Variants in ARHGEF10L observed in about 807,000 individuals in gnomAD.
ARHGEF10L encodes Rho guanine nucleotide exchange factor 10 like, also known as rho guanine nucleotide exchange factor 10-like protein.
ARHGEF10L carries 69 observed loss-of-function variants against 141.2 expected under a neutral mutation model. The observed-to-expected ratio is 0.49, with a 90% CI of 0.40 to 0.60. ARHGEF10L has a LOEUF of 0.60. ARHGEF10L is among the 20% of genes least tolerant of loss of function. ARHGEF10L has a pLI of 0.00. For missense variants in ARHGEF10L, 1,482 were observed against 1,734.3 expected, an observed-to-expected ratio of 0.85 and a Z score of 2.58; for synonymous variants, 711 against 718.5, an observed-to-expected ratio of 0.99 and a Z score of 0.17.
chr1:17,648,511 T>C, intron 21 of ARHGEF10L, 43 bp from the exon 22 acceptor site: 3 of 1,607,248 alleles, frequency 1.9e-6, no homozygotes, highest in Non-Finnish European at 2.6e-6. Flanking sequence ...AGTTGGTCCT[T>C]GGACTCTGAC....
In ARHGEF10L at chr1:17,603,560, C is replaced by T. The variant is rs1189630269; in HGVS notation, c.402C>T (p.Val134=). The T allele has an allele frequency of 6.2e-7, 1 of 1,613,572 alleles. No individual in the cohort carries two copies. The highest frequency in any genetic ancestry group is 1.3e-5 in the African/African-American group (1 of 74,926). ...AAGAGGATGTGATTTATGACGACGT[C>T]CCCTGCGAGAGCCCAGATGCGCATC... ...ALEEDVIYDD[V]PCESPDAHQP... is the part of the protein sequence containing the mutation. The change falls in exon 6 of 29, where the codon GTC becomes GTT. Residue 134 remains valine (V), a synonymous_variant. Transcript: ENST00000361221. The surrounding 1 kb of genome is among the most constrained non-coding windows in gnomAD (Gnocchi z 4.8).
rs755381101 is a variant in ARHGEF10L at position 17,623,049 on chromosome 1, G to A, written c.1074G>A (p.Lys358=). 62 of 1,614,026 alleles carry A rather than the reference G, an allele frequency of 3.8e-5. No individual in the cohort carries two copies. The Admixed American group carries it at 1.0e-3, about 26-fold the overall frequency. Residue 358 remains lysine, a synonymous_variant, in exon 12 of 29, where the codon AAG becomes AAA. Transcript: ENST00000361221. The surrounding 1 kb of genome is among the most constrained non-coding windows in gnomAD (Gnocchi z 4.7). ...AGCCCAAGGCGCTGAGCGCCCGCAA[G>A]TGCCAGGTGGTGTTCTTCCGCGTGA... The part of the protein sequence containing the change: ...EMEPKALSAR[K]CQVVFFRVKE...
chr1:17,605,020 A>G (rs1339778586), intron 6 of ARHGEF10L: 1 of 152,256 alleles, frequency 6.6e-6, no homozygotes, highest in Admixed American at 6.5e-5. Context: ...CAGGATCCCC[A>G]TATGCTGGGC....
intron 21 of ARHGEF10L, among the ~76,000 whole-genome samples, chr1:17,645,328 C>T (rs1178078104): frequency 6.6e-6 from 1 of 152,034 alleles, no homozygotes; most frequent in Non-Finnish European, 1.5e-5. Context: ...TTGTAACGTC[C>T]CCAGTCGCAG....
intron 26 of ARHGEF10L, among the ~76,000 whole-genome samples, chr1:17,685,276 T>A (rs2064469775): frequency 6.6e-6 from 1 of 152,136 alleles, no homozygotes; most frequent in Admixed American, 6.5e-5. Flanking sequence ...AGTGGGCAAA[T>A]AAAATCTAAA....
chr1:17,576,778 G>T (rs2078242275), intron 1 of ARHGEF10L, among the ~76,000 whole-genome samples: 1 of 152,200 alleles, frequency 6.6e-6, no homozygotes, highest in Non-Finnish European at 1.5e-5. Context: ...CCGCCCCAGT[G>T]AGAAAGGAAT....
chr1:17,618,436 G>A, intron 9 of ARHGEF10L: 1 of 1,521,962 alleles, frequency 6.6e-7, no homozygotes. Context: ...GGCGTGATGT[G>A]GGCCCGGCAG....
At chr1:17,633,261 A>T (rs1022066481) in intron 16 of ARHGEF10L, among the ~76,000 whole-genome samples, 6 of 152,194 alleles carry the variant, frequency 3.9e-5, no homozygotes, top group Non-Finnish European at 8.8e-5. Flanking sequence ...CCTGTATCAA[A>T]TACTCCCTGA....
the ARHGEF10L span, among the ~76,000 whole-genome samples, chr1:17,526,998 CG>C: frequency 2.0e-5 from 3 of 151,950 alleles, no homozygotes; most frequent in Non-Finnish European, 1.5e-5. Context: ...TTCAGGCGGG[CG>C]GATGTCTCTA....
chr1:17,568,255 T>C (rs1258762224), intron 1 of ARHGEF10L, among the ~76,000 whole-genome samples: 2 of 152,246 alleles, frequency 1.3e-5, no homozygotes, highest in East Asian at 3.8e-4. Context: ...GCACTTACTG[T>C]GTTCCAGGCT....
At chr1:17,542,574 T>G (rs541423395) in intron 1 of ARHGEF10L, among the ~76,000 whole-genome samples, 5 of 152,338 alleles carry the variant, frequency 3.3e-5, no homozygotes, top group African/African-American at 1.2e-4. Context: ...TCTTACACAC[T>G]GAGAAGGAAC....
rs752168798 is a variant in ARHGEF10L, at chr1:17,580,638, G to A, written c.37+6G>A. On this transcript the variant is annotated splice_donor_region_variant and intron_variant, in intron 2 of 28. Transcript: ENST00000361221. Reference sequence around the variant, plus strand: ...TCCTCCACAGCCTGCCATAGGTACCGTACCCAGGGCTTCCTGTCCCTCTCA... The same window carrying A: ...TCCTCCACAGCCTGCCATAGGTACCATACCCAGGGCTTCCTGTCCCTCTCA... The A allele has an allele frequency of 3.2e-5, 52 of 1,614,050 alleles. No homozygotes were observed. Among genetic ancestry groups the A allele is most frequent in the South Asian group, 9.9e-5 (9 of 91,086 alleles).
chr1:17,648,497 G>T, intron 21 of ARHGEF10L, 57 bp from the exon 22 acceptor site: 1 of 1,595,750 alleles, frequency 6.3e-7, no homozygotes, highest in Non-Finnish European at 8.6e-7. Context: ...GCTCCTCATG[G>T]CCCAGTTGGT....
At chr1:17,570,314 C>G (rs2077940165) in intron 1 of ARHGEF10L, among the ~76,000 whole-genome samples, 1 of 152,154 alleles carries the variant, frequency 6.6e-6, no homozygotes, top group South Asian at 2.1e-4. Context: ...TGGGTCAGGG[C>G]ATGTGTGTGG....
chr1:17,592,228 C>T (rs1206067511), intron 4 of ARHGEF10L, among the ~76,000 whole-genome samples: 2 of 152,186 alleles, frequency 1.3e-5, no homozygotes, highest in South Asian at 2.1e-4. Context: ...TGCAATAGCC[C>T]CATGGACTCT....
chr1:17,554,374 C>T (rs2077224149), intron 1 of ARHGEF10L, among the ~76,000 whole-genome samples: 1 of 152,020 alleles, frequency 6.6e-6, no homozygotes, highest in Non-Finnish European at 1.5e-5. Context: ...ATGCGGCTGG[C>T]AGGGAGGGAG....
chr1:17,564,375 A>AG (rs1030410697), intron 1 of ARHGEF10L, among the ~76,000 whole-genome samples: 39 of 152,212 alleles, frequency 2.6e-4, no homozygotes, highest in African/African-American at 8.9e-4. Flanking sequence ...GCAACACTTC[A>AG]GGGGGGCCAC....
chr1:17,606,246 C>T (rs951552554), intron 6 of ARHGEF10L, among the ~76,000 whole-genome samples: 5 of 152,178 alleles, frequency 3.3e-5, no homozygotes, highest in African/African-American at 4.8e-5. Flanking sequence ...CCAAAGCTCG[C>T]AGTTTTTCAG....
intron 3 of ARHGEF10L, among the ~76,000 whole-genome samples, chr1:17,588,017 G>A (rs1415033236): frequency 6.6e-6 from 1 of 152,194 alleles, no homozygotes; most frequent in African/African-American, 2.4e-5. Context: ...TGGGGAGCTG[G>A]CAACCCTGGG....
Sources: gnomAD v4.1 joint callset for allele counts (sites outside exome capture counted in the v4.1 genomes callset) on GRCh38, gnomAD v4.1.1 for gene constraint, Gnocchi (gnomAD v3.1) non-coding constraint, MANE v1.5 for transcripts, NCBI Gene and HGNC (gene_info 2026-07-23, HGNC 2026-07-21) for gene names.